The following BMPR1B variants were observed in gnomAD, a reference collection of about 807,000 sequenced individuals.
BMPR1B encodes bone morphogenetic protein receptor type 1B, also known as bone morphogenetic protein receptor type-1B.
BMPR1B carries 12 observed loss-of-function variants against 59.1 expected under a neutral mutation model. The observed-to-expected ratio is 0.20, with a 90% CI of 0.13 to 0.33. The LOEUF is 0.33. Ranked by LOEUF, BMPR1B falls within the 10% of genes least tolerant of loss-of-function variation. The pLI, the probability that BMPR1B is intolerant of heterozygous loss-of-function variation, is 1.00. For synonymous variants in BMPR1B, 237 were observed against 207.3 expected, an observed-to-expected ratio of 1.14 and a Z score of -1.23; for missense variants, 550 against 610.9, an observed-to-expected ratio of 0.90 and a Z score of 1.05.
chr4:94,813,309 T>TA (rs1333919868), intron 1 of BMPR1B, among the ~76,000 whole-genome samples: 6 of 152,022 alleles, frequency 3.9e-5, no homozygotes, highest in South Asian at 4.1e-4. Context: ...AAGAAGGTGT[T>TA]AAAAAAATCG....
intron 1 of BMPR1B, among the ~76,000 whole-genome samples, chr4:94,860,752 T>G (rs542582115): frequency 3.3e-5 from 5 of 152,368 alleles, no homozygotes; most frequent in East Asian, 1.9e-4. Flanking sequence ...GAGCTGAGTC[T>G]TCTTATGTAG....
At chr4:94,856,300 G>A (rs1202107163) in intron 1 of BMPR1B, among the ~76,000 whole-genome samples, 1 of 152,128 alleles carries the variant, frequency 6.6e-6, no homozygotes, top group Non-Finnish European at 1.5e-5. Context: ...GGATGCTGTA[G>A]CATTATCATC....
At chr4:95,031,391 A>T (rs1254866148) in intron 3 of BMPR1B, among the ~76,000 whole-genome samples, 1 of 152,164 alleles carries the variant, frequency 6.6e-6, no homozygotes, top group Non-Finnish European at 1.5e-5. Context: ...ATTAGGCAGC[A>T]CAGATGCTTC....
chr4:95,104,461 A>G lies in BMPR1B; in HGVS notation c.37A>G (p.Thr13Ala), dbSNP rs111612269. ...AAGTGCAGGAAAATTAAATGTGGGCACCAAGAAAGAGGATGGTGAGAGTAC... is the reference window on the plus strand; with the variant it reads ...AAGTGCAGGAAAATTAAATGTGGGCGCCAAGAAAGAGGATGGTGAGAGTAC... ...LRSAGKLNVGTKKEDGESTAP... is the reference protein window; with the variant it reads ...LRSAGKLNVGAKKEDGESTAP... The change falls in exon 4 of 13, where the codon ACC becomes GCC. Residue 13 changes from threonine (T) to alanine (A), a missense_variant. Around this residue, in one of 6 missense-constraint regions of BMPR1B, gnomAD observed 43 missense variants for 35.4 expected, o/e 1.22. Coordinates refer to ENST00000515059, the MANE Select transcript of BMPR1B (RefSeq NM_001203.3). 6.8e-6 allele frequency: 11 copies of G among 1,613,480 alleles called. No individual in the cohort carries two copies. The highest frequency in any genetic ancestry group is 1.7e-5 in the Admixed American group (1 of 59,876).
rs1209049038 is a variant in BMPR1B at position 95,034,901 on chromosome 4, A to G, written c.-18+38767A>G. On this transcript the variant is annotated intron_variant, in intron 3 of 12. Coordinates refer to ENST00000515059, the MANE Select transcript of BMPR1B (RefSeq NM_001203.3). ...ACTAGTTTACATTCTCACCAGCAGT[A>G]TACTAGTTGTTCCCTTTTCACCACA... Among the ~76,000 whole-genome samples, 3 of 152,158 alleles carry G rather than the reference A, an allele frequency of 2.0e-5. No homozygotes were observed. The East Asian group carries it at 5.8e-4, about 29-fold the overall frequency.
chr4:94,832,721 T>A (rs955915801), intron 1 of BMPR1B, among the ~76,000 whole-genome samples: 2 of 152,158 alleles, frequency 1.3e-5, no homozygotes, highest in African/African-American at 4.8e-5. Context: ...AAGCAGAGGT[T>A]GCAGTGAGCT....
At chr4:94,786,613 A>G (rs778797687) in intron 1 of BMPR1B, among the ~76,000 whole-genome samples, 3 of 152,124 alleles carry the variant, frequency 2.0e-5, no homozygotes, top group Admixed American at 2.0e-4. Flanking sequence ...ATCTCAGCTC[A>G]CTGCAAGCTC....
intron 2 of BMPR1B, among the ~76,000 whole-genome samples, chr4:94,989,129 G>A (rs1822826): frequency 0.95 from 145,128 of 152,102 alleles, 69,271 homozygotes; most frequent in Middle Eastern, 0.99. Flanking sequence ...GATGGCTCAC[G>A]CCTATAATCC....
At chr4:94,827,646 G>T (rs568740937) in intron 1 of BMPR1B, among the ~76,000 whole-genome samples, 1 of 152,160 alleles carries the variant, frequency 6.6e-6, no homozygotes, top group African/African-American at 2.4e-5. Flanking sequence ...TTCTCCTAAT[G>T]ATTCATTCTT....
chr4:94,781,052 G>C (rs961384949), intron 1 of BMPR1B, among the ~76,000 whole-genome samples: 3 of 152,054 alleles, frequency 2.0e-5, no homozygotes, highest in African/African-American at 7.2e-5. Flanking sequence ...TTGTGGCATT[G>C]ATTTGCATCT....
intron 3 of BMPR1B, among the ~76,000 whole-genome samples, chr4:95,053,281 T>TTGTGTGTG (rs60404669): frequency 0.068 from 9,148 of 134,176 alleles, 370 homozygotes; most frequent in African/African-American, 0.082. Flanking sequence ...TGCAGGGCAC[T>TTGTGTGTG]TGTGTGTGTG....
rs545603284 is a variant in BMPR1B at position 95,020,299 on chromosome 4, A to G, written c.-18+24165A>G. Among the ~76,000 whole-genome samples the G allele has an allele frequency of 6.4e-4, 98 of 152,240 alleles. 3 individuals are homozygous for G. The highest frequency in any genetic ancestry group is 2.3e-3 in the African/African-American group (95 of 41,568). ...AGTCTCCTACAAAAAAGAATTATCA[A>G]CTGGGCGCAGTGGCTTACGCCTGTA... On this transcript the variant is annotated intron_variant, in intron 3 of 12. Coordinates refer to ENST00000515059, the MANE Select transcript of BMPR1B (RefSeq NM_001203.3).
At chr4:94,835,798 G>A (rs1724785034) in intron 1 of BMPR1B, among the ~76,000 whole-genome samples, 1 of 151,924 alleles carries the variant, frequency 6.6e-6, no homozygotes, top group Non-Finnish European at 1.5e-5. Flanking sequence ...TAGGGTACAT[G>A]TGCACATTGT....
intron 1 of BMPR1B, among the ~76,000 whole-genome samples, chr4:94,821,372 GAA>G (rs1313298193): frequency 1.3e-5 from 2 of 152,060 alleles, no homozygotes; most frequent in Non-Finnish European, 2.9e-5. Flanking sequence ...TAATATTAGC[GAA>G]GTTTTCTCAG....
chr4:95,010,928 T>C (rs1281558010), intron 3 of BMPR1B, among the ~76,000 whole-genome samples: 4 of 152,176 alleles, frequency 2.6e-5, no homozygotes, highest in African/African-American at 9.7e-5. Flanking sequence ...CCTTATATTA[T>C]TTAGGAATTG....
chr4:95,120,273 T>C (rs546983624), intron 6 of BMPR1B, among the ~76,000 whole-genome samples: 2 of 152,350 alleles, frequency 1.3e-5, no homozygotes, highest in South Asian at 4.1e-4. Flanking sequence ...ACACCATTGA[T>C]GAGCAACTAC....
In BMPR1B at chr4:95,116,421, G is replaced by GCGCGCACACACACACA; in HGVS notation, c.349+635_349+636insGCGCACACACACACAC. ...CTCCTCCTCCATGCTTTCAGCGCGC[G>GCGCGCACACACACACA]CACACACACACACACACACACACAC... On this transcript the variant is annotated intron_variant, in intron 6 of 12. Transcript: ENST00000515059. Among the ~76,000 whole-genome samples the GCGCGCACACACACACA allele has an allele frequency of 4.8e-4, 59 of 123,234 alleles. 1 individual carries two copies. The highest frequency in any genetic ancestry group is 2.1e-3 in the African/African-American group (58 of 27,842). 80.8% of individuals were successfully genotyped at this position (123,234 alleles called of 152,430 possible). A position where few individuals can be genotyped will look rare whatever the true frequency, so the allele number is the denominator to read the frequency against.
chr4:94,804,172 C>T (rs1158099804), intron 1 of BMPR1B, among the ~76,000 whole-genome samples: 1 of 152,226 alleles, frequency 6.6e-6, no homozygotes, highest in Non-Finnish European at 1.5e-5. Flanking sequence ...GCCACCACAC[C>T]TAGCTAGCAC....
At chr4:95,057,154 A>G (rs1726991457) in intron 3 of BMPR1B, among the ~76,000 whole-genome samples, 1 of 152,162 alleles carries the variant, frequency 6.6e-6, no homozygotes, top group African/African-American at 2.4e-5. Flanking sequence ...CCCTGGACAT[A>G]CTTATAGTTT....
Sources: gnomAD v4.1 joint callset for allele counts (sites outside exome capture counted in the v4.1 genomes callset) on GRCh38, gnomAD v4.1.1 for gene constraint, gnomAD v4.1.1 regional missense constraint, MANE v1.5 for transcripts, NCBI Gene and HGNC (gene_info 2026-07-23, HGNC 2026-07-21) for gene names.